The following ATG10 variants were observed in gnomAD, a reference collection of about 807,000 sequenced individuals.
The protein encoded by ATG10 is ubiquitin-like-conjugating enzyme ATG10.
In ATG10, 30 loss-of-function variants were observed where a neutral mutation model predicts 32.1. The ratio of observed to expected loss-of-function variants is 0.94; its 90% CI spans 0.70 to 1.27. The LOEUF is 1.27. Ranked by LOEUF, ATG10 falls within the 50% of genes most tolerant of loss-of-function variation. ATG10 has a pLI of 0.00. For missense variants in ATG10, 233 were observed against 262.3 expected, an observed-to-expected ratio of 0.89 and a Z score of 0.77; for synonymous variants, 87 against 91.5, an observed-to-expected ratio of 0.95 and a Z score of 0.28.
chr5:82,165,872 G>A (rs1380881895), intron 4 of ATG10, among the ~76,000 whole-genome samples: 1 of 152,166 alleles, frequency 6.6e-6, no homozygotes, highest in Non-Finnish European at 1.5e-5. Context: ...GAGACAAGTC[G>A]AGGCTGCAGG....
chr5:82,105,814 G>A (rs1765430787), intron 3 of ATG10, among the ~76,000 whole-genome samples: 1 of 152,120 alleles, frequency 6.6e-6, no homozygotes, highest in Non-Finnish European at 1.5e-5. Flanking sequence ...AATGCCAATA[G>A]TAGCTTACTG....
intron 2 of ATG10, among the ~76,000 whole-genome samples, chr5:82,035,270 G>T (rs1030587469): frequency 2.0e-5 from 3 of 152,136 alleles, no homozygotes; most frequent in African/African-American, 7.2e-5. Context: ...GTTGTTTGTT[G>T]TTTATCTTCT....
intron 2 of ATG10, among the ~76,000 whole-genome samples, chr5:82,008,440 A>C (rs1189465945): frequency 6.6e-6 from 1 of 152,208 alleles, no homozygotes; most frequent in East Asian, 1.9e-4. Flanking sequence ...TCACTTAAGC[A>C]TATGCAAATC....
In ATG10 at chr5:82,104,952, A is replaced by G. The variant is rs77484322; in HGVS notation, c.216+46350A>G. On this transcript the variant is annotated intron_variant, in intron 3 of 7. Coordinates refer to ENST00000282185, the MANE Select transcript of ATG10 (RefSeq NM_031482.5). ...AGGTGTTTTGAAATAAATGTAACAT[A>G]GTTGAATTGGTTTTGTGATCAGTTT... 7.0e-3 allele frequency among the ~76,000 whole-genome samples: 1,071 copies of G among 152,258 alleles called. 12 individuals are homozygous for G. Among genetic ancestry groups the G allele is most frequent in the African/African-American group, 0.024 (1,008 of 41,562 alleles).
chr5:81,997,923 C>T (rs1049248019), intron 2 of ATG10, among the ~76,000 whole-genome samples: 1 of 152,180 alleles, frequency 6.6e-6, no homozygotes, highest in African/African-American at 2.4e-5. Context: ...ATTGGTATCC[C>T]TGAAAGAGAG....
At chr5:82,216,353 C>A (rs1581813241) in intron 5 of ATG10, among the ~76,000 whole-genome samples, 1 of 152,292 alleles carries the variant, frequency 6.6e-6, no homozygotes, top group Non-Finnish European at 1.5e-5. Flanking sequence ...AAATCTTCTA[C>A]CCTCTTATTT....
chr5:82,206,158 A>C (rs1745284477), intron 5 of ATG10, among the ~76,000 whole-genome samples: 1 of 152,156 alleles, frequency 6.6e-6, no homozygotes, highest in African/African-American at 2.4e-5. Flanking sequence ...GTCAAGAAAG[A>C]GAGGCTGTAG....
chr5:82,110,407 G>A (rs1259838910), intron 3 of ATG10, among the ~76,000 whole-genome samples: 1 of 152,106 alleles, frequency 6.6e-6, no homozygotes. Context: ...CTAGTTTACA[G>A]TCCCACCACC....
At chr5:82,057,053 A>G (rs1292573521) in intron 2 of ATG10, among the ~76,000 whole-genome samples, 1 of 152,202 alleles carries the variant, frequency 6.6e-6, no homozygotes, top group African/African-American at 2.4e-5. Context: ...AGTATTGGAT[A>G]TCTGATGGCC....
rs557246569 is a variant in ATG10, at chr5:82,018,273, C to A, written c.108+30595C>A. Among the ~76,000 whole-genome samples the A allele has an allele frequency of 3.2e-4, 49 of 152,186 alleles. 1 individual carries two copies. The South Asian group carries it at 4.1e-3, about 13-fold the overall frequency. ...CTTTAACTCCTTTATTTTTTTTACACCCCACATCTAATCCATTAGGAAATC... is the reference window on the plus strand; with the variant it reads ...CTTTAACTCCTTTATTTTTTTTACAACCCACATCTAATCCATTAGGAAATC... On this transcript the variant is annotated intron_variant, in intron 2 of 7. Coordinates refer to ENST00000282185, the MANE Select transcript of ATG10 (RefSeq NM_031482.5).
chr5:82,070,670 G>T (rs1044941159), intron 3 of ATG10, among the ~76,000 whole-genome samples: 33 of 152,132 alleles, frequency 2.2e-4, no homozygotes, highest in African/African-American at 7.5e-4. Context: ...CTTCAGCAAT[G>T]CCCACAACAG....
At chr5:82,215,795 G>T (rs1745654029) in intron 5 of ATG10, among the ~76,000 whole-genome samples, 1 of 151,940 alleles carries the variant, frequency 6.6e-6, no homozygotes, top group South Asian at 2.1e-4. Flanking sequence ...AAAATTAGCT[G>T]GGCATGGTGG....
intron 3 of ATG10, among the ~76,000 whole-genome samples, chr5:82,110,758 C>G (rs1024446369): frequency 6.6e-6 from 1 of 151,974 alleles, no homozygotes; most frequent in African/African-American, 2.4e-5. Context: ...GTTGCCTGTT[C>G]ACTCTGATGG....
chr5:82,025,493 TTGTC>T (rs1762567620), intron 2 of ATG10, among the ~76,000 whole-genome samples: 1 of 152,122 alleles, frequency 6.6e-6, no homozygotes, highest in African/African-American at 2.4e-5. Flanking sequence ...ACCCAGATGA[TTGTC>T]TAAGAATGTG....
intron 5 of ATG10, among the ~76,000 whole-genome samples, chr5:82,236,304 A>C (rs559267003): frequency 6.6e-6 from 1 of 152,092 alleles, no homozygotes; most frequent in East Asian, 1.9e-4. Flanking sequence ...TCAGCAGTGC[A>C]TTTTCCATTT....
intron 2 of ATG10, among the ~76,000 whole-genome samples, chr5:82,023,796 A>T (rs944427861): frequency 3.3e-5 from 5 of 152,230 alleles, no homozygotes; most frequent in African/African-American, 1.2e-4. Context: ...ACTTTTCAGC[A>T]TGTAAATTTT....
At chr5:81,996,858 A>G (rs1219024419) in intron 2 of ATG10, among the ~76,000 whole-genome samples, 2 of 152,210 alleles carry the variant, frequency 1.3e-5, no homozygotes, top group Non-Finnish European at 2.9e-5. Flanking sequence ...GTTACCATGT[A>G]CATGATTATA....
chr5:82,170,904 G>A (rs999068991), intron 4 of ATG10, among the ~76,000 whole-genome samples: 9 of 152,034 alleles, frequency 5.9e-5, no homozygotes, highest in African/African-American at 2.2e-4. Flanking sequence ...CCGAGATCAC[G>A]CCACTGCAGT....
chr5:82,208,570 G>A (rs1265485627), intron 5 of ATG10, among the ~76,000 whole-genome samples: 2 of 152,066 alleles, frequency 1.3e-5, no homozygotes, highest in Non-Finnish European at 2.9e-5. Flanking sequence ...TACATTGTTG[G>A]GTGGAAGTGG....
Sources: allele counts gnomAD v4.1 joint callset (sites outside exome capture counted in the v4.1 genomes callset), GRCh38; gene constraint gnomAD v4.1.1; transcripts MANE v1.5; gene names NCBI Gene and HGNC (gene_info 2026-07-23, HGNC 2026-07-21).